DGKG: variants seen among roughly 807,000 people sequenced by gnomAD.
DGKG encodes the protein diacylglycerol kinase gamma.
A neutral mutation model predicts 105.3 loss-of-function variants in DGKG; 78 were observed. The ratio of observed to expected loss-of-function variants is 0.74; its 90% CI spans 0.62 to 0.89. DGKG has a LOEUF of 0.89. DGKG is among the 40% of genes least tolerant of loss of function. The pLI, the probability that DGKG is intolerant of heterozygous loss-of-function variation, is 0.00. For missense variants in DGKG, 958 were observed against 1,020.1 expected (o/e 0.94, Z 0.83); for synonymous variants, 346 against 367.1 (o/e 0.94, Z 0.66).
In DGKG at chr3:186,343,901, C is replaced by A. The variant is rs187193639; in HGVS notation, c.-249+18045G>T. Among the ~76,000 whole-genome samples, 33 of 152,082 alleles carry A rather than the reference C, an allele frequency of 2.2e-4. 1 individual carries two copies. The East Asian group carries it at 5.2e-3, about 24-fold the overall frequency. Reference sequence around the variant, plus strand: ...GGTGTTACTAAACATTCCTCAATACCAGCAAAACAATACTGTTTTCCCTGG... The same window carrying A: ...GGTGTTACTAAACATTCCTCAATACAAGCAAAACAATACTGTTTTCCCTGG... On this transcript the variant is annotated intron_variant, in intron 1 of 24. Coordinates refer to ENST00000265022, the MANE Select transcript of DGKG (RefSeq NM_001346.3).
At chr3:186,230,060 C>A (rs1004543982) in intron 20 of DGKG, among the ~76,000 whole-genome samples, 1 of 152,114 alleles carries the variant, frequency 6.6e-6, no homozygotes, top group Non-Finnish European at 1.5e-5. Context: ...GAGATCAAGA[C>A]CATCCTGGCC....
At chr3:186,186,805 T>C (rs955927620) in intron 22 of DGKG, among the ~76,000 whole-genome samples, 1 of 152,196 alleles carries the variant, frequency 6.6e-6, no homozygotes, top group Non-Finnish European at 1.5e-5. Context: ...TGATTGAATC[T>C]CTCCATTTGG....
intron 1 of DGKG, among the ~76,000 whole-genome samples, chr3:186,326,074 GC>G (rs1449537415): frequency 2.6e-5 from 4 of 152,098 alleles, no homozygotes; most frequent in African/African-American, 7.2e-5. Flanking sequence ...TTGCTTCTAG[GC>G]CCTATCAAGG....
intron 5 of DGKG, among the ~76,000 whole-genome samples, chr3:186,291,801 G>A (rs929160864): frequency 1.3e-5 from 2 of 152,164 alleles, no homozygotes; most frequent in Admixed American, 6.5e-5. Context: ...TGATGGGTAT[G>A]TTCATCATAT....
chr3:186,277,361 G>C (rs1232750252), intron 9 of DGKG, among the ~76,000 whole-genome samples: 1 of 152,230 alleles, frequency 6.6e-6, no homozygotes, highest in Non-Finnish European at 1.5e-5. Flanking sequence ...TTCTAGAAAT[G>C]AGAAACAGAG....
At chr3:186,174,615 T>G (rs1188455183) in intron 22 of DGKG, among the ~76,000 whole-genome samples, 1 of 151,936 alleles carries the variant, frequency 6.6e-6, no homozygotes, top group Non-Finnish European at 1.5e-5. Context: ...GAGCTCACCC[T>G]TTTATCTGAA....
intron 3 of DGKG, among the ~76,000 whole-genome samples, chr3:186,302,505 TACA>T (rs1723968792): frequency 8.3e-5 from 1 of 12,080 alleles, no homozygotes; most frequent in Non-Finnish European, 1.6e-4. Context: ...TATATATATA[TACA>T]TATGTGTATA....
chr3:186,259,102 GACGGGACTC>G (rs1721621845), intron 16 of DGKG, among the ~76,000 whole-genome samples: 1 of 103,418 alleles, frequency 9.7e-6, no homozygotes, highest in African/African-American at 5.4e-5. Flanking sequence ...TCTGCTCTCC[GACGGGACTC>G]TCCGACGGGA....
intron 7 of DGKG, among the ~76,000 whole-genome samples, chr3:186,282,443 A>G (rs1438497775): frequency 6.6e-6 from 1 of 152,192 alleles, no homozygotes; most frequent in Admixed American, 6.5e-5. Context: ...GGAATTTAAC[A>G]ACTTCTTACT....
At chr3:186,253,459 C>G (rs1332655815) in intron 17 of DGKG, among the ~76,000 whole-genome samples, 2 of 152,208 alleles carry the variant, frequency 1.3e-5, no homozygotes. Context: ...CATCCTAAAT[C>G]TGTCCTTTGG....
In DGKG at chr3:186,287,599, A is replaced by G. The variant is rs1214666204; in HGVS notation, c.544+1111T>C. Among the ~76,000 whole-genome samples the G allele has an allele frequency of 2.0e-5, 3 of 152,270 alleles. No homozygotes were observed. In the East Asian group the frequency reaches 5.8e-4, roughly 29 times the overall value. Reference sequence around the variant, plus strand: ...TCTTTGGTAGTCACTAACAAATACAATGCCTGAAACTCAAAATCCAGCTAA... The same window carrying G: ...TCTTTGGTAGTCACTAACAAATACAGTGCCTGAAACTCAAAATCCAGCTAA... On this transcript the variant is annotated intron_variant, in intron 6 of 24. Transcript: ENST00000265022.
At chr3:186,294,536 C>CAAA (rs10574886) in intron 5 of DGKG, among the ~76,000 whole-genome samples, 8 of 106,842 alleles carry the variant, frequency 7.5e-5, no homozygotes, top group Non-Finnish European at 9.6e-5. Flanking sequence ...AACTCTGTCT[C>CAAA]AAAAAAAAAA....
intron 21 of DGKG, among the ~76,000 whole-genome samples, chr3:186,200,994 C>T (rs1718431299): frequency 6.6e-6 from 1 of 152,072 alleles, no homozygotes; most frequent in East Asian, 1.9e-4. Flanking sequence ...TGGGGGTGCC[C>T]AAATTCATTT....
In DGKG at chr3:186,310,265, C is replaced by CAAAAAAAAAAAAAAAAAAAAAA. The variant is rs1165723037; in HGVS notation, c.68-3310_68-3289dup. On this transcript the variant is annotated intron_variant, in intron 2 of 24. Transcript: ENST00000265022. ...CTGGCAACAAAGCAAGACTCCGTCT[C>CAAAAAAAAAAAAAAAAAAAAAA]AAAAAAAAAAAAAAAAAAAAAAAAC... 1.2e-4 allele frequency among the ~76,000 whole-genome samples: 4 copies of CAAAAAAAAAAAAAAAAAAAAAA among 33,296 alleles called. 2 individuals are homozygous for CAAAAAAAAAAAAAAAAAAAAAA. The highest frequency in any genetic ancestry group is 3.6e-4 in the African/African-American group (4 of 11,098). The allele number at this position is 33,296 out of a possible 152,430, so 21.8% of individuals were successfully genotyped here.
At chr3:186,298,830 G>A (rs964177384) in intron 3 of DGKG, among the ~76,000 whole-genome samples, 28 of 152,324 alleles carry the variant, frequency 1.8e-4, no homozygotes, top group African/African-American at 6.5e-4. Context: ...GACTTTCATA[G>A]TCCTGATCTT....
intron 20 of DGKG, among the ~76,000 whole-genome samples, chr3:186,216,331 G>A (rs1719291850): frequency 6.6e-6 from 1 of 152,046 alleles, no homozygotes; most frequent in Non-Finnish European, 1.5e-5. Flanking sequence ...CAAGACCTAA[G>A]ATTGAACCTC....
chr3:186,341,910 G>C (rs941911979), intron 1 of DGKG, among the ~76,000 whole-genome samples: 1 of 152,056 alleles, frequency 6.6e-6, no homozygotes, highest in African/African-American at 2.4e-5. Flanking sequence ...GTAAACTATC[G>C]CAAGAACAAA....
At chr3:186,348,988 A>T (rs1294242863) in intron 1 of DGKG, among the ~76,000 whole-genome samples, 2 of 151,686 alleles carry the variant, frequency 1.3e-5, no homozygotes, top group Non-Finnish European at 2.9e-5. Context: ...TTTTTTATTT[A>T]AAAATTATTT....
chr3:186,305,751 G>C (rs754503126), intron 3 of DGKG, among the ~76,000 whole-genome samples: 1 of 152,154 alleles, frequency 6.6e-6, no homozygotes, highest in Non-Finnish European at 1.5e-5. Context: ...ACATTTTGAA[G>C]GTAGATCTAA....
Sources: allele counts gnomAD v4.1 joint callset (sites outside exome capture counted in the v4.1 genomes callset), GRCh38; gene constraint gnomAD v4.1.1; transcripts MANE v1.5; gene names NCBI Gene and HGNC (gene_info 2026-07-23, HGNC 2026-07-21).